The following PLD1 variants were observed in gnomAD, a reference collection of about 807,000 sequenced individuals.
PLD1 encodes phospholipase D1.
In PLD1, 112 loss-of-function variants were observed where a neutral mutation model predicts 137.1. The ratio of observed to expected loss-of-function variants is 0.82; its 90% CI spans 0.70 to 0.96. The LOEUF is 0.96. Among genes scored for constraint, PLD1 ranks in the 40% least tolerant of loss-of-function variants. The pLI is 0.00. For missense variants in PLD1, 1,321 were observed against 1,342.0 expected, an observed-to-expected ratio of 0.98 and a Z score of 0.24; for synonymous variants, 431 against 454.7, an observed-to-expected ratio of 0.95 and a Z score of 0.66.
At chr3:171,702,155 A>G (rs1004050960) in intron 11 of PLD1, among the ~76,000 whole-genome samples, 4 of 152,202 alleles carry the variant, frequency 2.6e-5, no homozygotes, top group African/African-American at 4.8e-5. Flanking sequence ...TGAAATATCA[A>G]TAAAATTTGT....
At chr3:171,679,066 T>C (rs1256129661) in intron 16 of PLD1, among the ~76,000 whole-genome samples, 5 of 152,182 alleles carry the variant, frequency 3.3e-5, no homozygotes, top group African/African-American at 1.2e-4. Context: ...TCTGACTCTG[T>C]GACGCAATTG....
chr3:171,640,908 G>A (rs1251980162), intron 23 of PLD1, among the ~76,000 whole-genome samples: 1 of 152,230 alleles, frequency 6.6e-6, no homozygotes, highest in Non-Finnish European at 1.5e-5. Context: ...TCAGTCAGCT[G>A]TGATGCTAAA....
At chr3:171,677,300 C>T (rs1046373694) in intron 17 of PLD1, among the ~76,000 whole-genome samples, 1 of 152,112 alleles carries the variant, frequency 6.6e-6, no homozygotes, top group African/African-American at 2.4e-5. Flanking sequence ...TGAAAAATTA[C>T]TGATTATTGC....
At chr3:171,782,611 G>T (rs1722837003) in intron 1 of PLD1, among the ~76,000 whole-genome samples, 1 of 152,104 alleles carries the variant, frequency 6.6e-6, no homozygotes, top group Non-Finnish European at 1.5e-5. Context: ...AATCTAGGTG[G>T]TGGCTTATGG....
chr3:171,661,982 G>A (rs1711543152), intron 20 of PLD1, 78 bp downstream of exon 20: 10 of 777,858 alleles, frequency 1.3e-5, no homozygotes, highest in Non-Finnish European at 1.8e-5. Flanking sequence ...GGGGTCCTAA[G>A]TTTGGGGACC....
chr3:171,778,698 C>T (rs779058107), intron 1 of PLD1, among the ~76,000 whole-genome samples: 1 of 152,198 alleles, frequency 6.6e-6, no homozygotes, highest in Admixed American at 6.5e-5. Flanking sequence ...CCAGTGTAGT[C>T]AGTGCTGTGA....
chr3:171,764,265 C>A (rs921031057), intron 1 of PLD1, among the ~76,000 whole-genome samples: 1 of 152,158 alleles, frequency 6.6e-6, no homozygotes, highest in African/African-American at 2.4e-5. Flanking sequence ...TGAGCCACTG[C>A]GCCTGGTCTA....
At chr3:171,780,281 G>A (rs1377136632) in intron 1 of PLD1, among the ~76,000 whole-genome samples, 4 of 151,070 alleles carry the variant, frequency 2.6e-5, no homozygotes, top group African/African-American at 9.8e-5. Flanking sequence ...TGAGGACTGG[G>A]ATTTGGATCC....
intron 24 of PLD1, among the ~76,000 whole-genome samples, chr3:171,618,984 T>C (rs1733361475): frequency 6.6e-6 from 1 of 152,164 alleles, no homozygotes; most frequent in South Asian, 2.1e-4. Flanking sequence ...TTCTCAGATA[T>C]GAGATATGTT....
chr3:171,717,078 G>A (rs116765506), intron 8 of PLD1, among the ~76,000 whole-genome samples: 5,100 of 152,136 alleles, frequency 0.034, 312 homozygotes, highest in African/African-American at 0.12. Flanking sequence ...GTCTGTTTTC[G>A]TACCAGTACT....
intron 1 of PLD1, among the ~76,000 whole-genome samples, chr3:171,740,616 A>C (rs2108270756): frequency 6.6e-6 from 1 of 152,318 alleles, no homozygotes; most frequent in South Asian, 2.1e-4. Flanking sequence ...ATTTTAAGAA[A>C]TACAAAGACT....
At chr3:171,627,022 T>A (rs978223627) in intron 23 of PLD1, among the ~76,000 whole-genome samples, 1 of 152,020 alleles carries the variant, frequency 6.6e-6, no homozygotes, top group Non-Finnish European at 1.5e-5. Flanking sequence ...TAACTTTAAA[T>A]GTAAATGGAC....
At chr3:171,608,856 T>C (rs2108261975) in intron 25 of PLD1, among the ~76,000 whole-genome samples, 3 of 152,072 alleles carry the variant, frequency 2.0e-5, no homozygotes, top group Middle Eastern at 3.4e-3. Flanking sequence ...ATTCTAAGCA[T>C]ACAGAAAAAG....
rs536513156 is a variant in PLD1, at chr3:171,612,309, A to T, written c.2852T>A (p.Phe951Tyr). ...GCACTGTAGCCGAAGTCCTCGGGCA[A>T]ACCGGCCAGCTTGGTACTCTTTTCC... Reference protein sequence around the residue: ...MDGKEYQAGRFARGLRLQCFR... With the variant: ...MDGKEYQAGRYARGLRLQCFR... Residue 951 changes from phenylalanine to tyrosine, a missense_variant, in exon 25 of 27, where the codon TTT becomes TAT. By Grantham distance (22) the Phe-to-Tyr change is conservative (BLOSUM62 3). Transcript: ENST00000351298. This position sits in a 1 kb window ranked among gnomAD's most constrained non-coding sequence, Gnocchi z 4.1. 2.8e-4 allele frequency: 445 copies of T among 1,614,150 alleles called. 3 individuals are homozygous for T. In the South Asian group the frequency reaches 4.6e-3, roughly 17 times the overall value.
chr3:171,719,812 A>T (rs1717959924), intron 8 of PLD1, among the ~76,000 whole-genome samples: 1 of 152,172 alleles, frequency 6.6e-6, no homozygotes, highest in African/African-American at 2.4e-5. Context: ...GTCTTTTTTT[A>T]AAACTCATCT....
chr3:171,613,886 G>A (rs987499724), intron 24 of PLD1, among the ~76,000 whole-genome samples: 28 of 152,116 alleles, frequency 1.8e-4, no homozygotes, highest in African/African-American at 6.3e-4. Flanking sequence ...ACTACAGAAA[G>A]GGCCTGACTG....
chr3:171,736,522 G>C (rs1222003426), intron 3 of PLD1, among the ~76,000 whole-genome samples: 1 of 152,158 alleles, frequency 6.6e-6, no homozygotes, highest in Non-Finnish European at 1.5e-5. Flanking sequence ...GTATCAGGGA[G>C]ACATGGACCC....
At chr3:171,658,898 A>G (rs529649134) in intron 21 of PLD1, among the ~76,000 whole-genome samples, 1 of 152,360 alleles carries the variant, frequency 6.6e-6, no homozygotes, top group African/African-American at 2.4e-5. Flanking sequence ...GCAAAATATT[A>G]TGTCTGTTTT....
rs1560235584 is a variant in PLD1, at chr3:171,706,136, A to ATCTATCTATCTATCTATCTATCTATCTG, written c.1145+2618_1145+2619insCAGATAGATAGATAGATAGATAGATAGA. On this transcript the variant is annotated intron_variant, in intron 11 of 26. Coordinates refer to ENST00000351298, the MANE Select transcript of PLD1 (RefSeq NM_002662.5). Reference sequence around the variant, plus strand: ...ACCGGGTCAGTCAGTCTATCTATCTATCTATCTATCTATCTATCTATCTAT... The same window carrying ATCTATCTATCTATCTATCTATCTATCTG: ...ACCGGGTCAGTCAGTCTATCTATCTATCTATCTATCTATCTATCTATCTATCTGTCTATCTATCTATCTATCTATCTAT... Among the ~76,000 whole-genome samples, 4 of 151,778 alleles carry ATCTATCTATCTATCTATCTATCTATCTG rather than the reference A, an allele frequency of 2.6e-5. No individual in the cohort carries two copies. The East Asian group carries it at 5.8e-4, about 22-fold the overall frequency.
Sources: allele counts gnomAD v4.1 joint callset (sites outside exome capture counted in the v4.1 genomes callset), GRCh38; gene constraint gnomAD v4.1.1; non-coding constraint Gnocchi (gnomAD v3.1); transcripts MANE v1.5; gene names NCBI Gene and HGNC (gene_info 2026-07-23, HGNC 2026-07-21).